The following RGL1 variants were observed in gnomAD, a reference collection of about 807,000 sequenced individuals.
RGL1 encodes the protein ral guanine nucleotide dissociation stimulator like 1, also known as ral guanine nucleotide dissociation stimulator-like 1.
RGL1 carries 24 observed loss-of-function variants against 95.2 expected under a neutral mutation model. The observed-to-expected ratio is 0.25, with a 90% confidence interval of 0.18 to 0.35. The LOEUF (loss-of-function observed/expected upper bound fraction) is 0.35. Among genes scored for constraint, RGL1 ranks in the 10% least tolerant of loss-of-function variants. The pLI is 1.00. For missense variants in RGL1, 715 were observed against 936.3 expected, an observed-to-expected ratio of 0.76 and a Z score of 3.08; for synonymous variants, 329 against 344.9, an observed-to-expected ratio of 0.95 and a Z score of 0.51.
At chr1:183,893,499 C>A (rs1407063370) in intron 9 of RGL1, among the ~76,000 whole-genome samples, 1 of 152,126 alleles carries the variant, frequency 6.6e-6, no homozygotes, top group African/African-American at 2.4e-5. Flanking sequence ...GAATAAGCTG[C>A]ATATTTGAGC....
At chr1:183,689,546 G>A (rs1327297012) in intron 1 of RGL1, among the ~76,000 whole-genome samples, 1 of 152,086 alleles carries the variant, frequency 6.6e-6, no homozygotes, top group Non-Finnish European at 1.5e-5. Flanking sequence ...TGCCTTGTAT[G>A]TAACTCTGTT....
intron 2 of RGL1, among the ~76,000 whole-genome samples, chr1:183,814,338 C>G (rs937196916): frequency 6.6e-6 from 1 of 152,022 alleles, no homozygotes; most frequent in African/African-American, 2.4e-5. Flanking sequence ...TCCTCAAAAC[C>G]ACCTTCTCCT....
At chr1:183,898,640 G>T (rs1240717930) in intron 10 of RGL1, among the ~76,000 whole-genome samples, 3 of 152,150 alleles carry the variant, frequency 2.0e-5, no homozygotes, top group African/African-American at 7.2e-5. Flanking sequence ...GGACTCTTCC[G>T]CAACATGAAG....
At chr1:183,808,674 C>T (rs1661501019) in intron 2 of RGL1, among the ~76,000 whole-genome samples, 1 of 151,980 alleles carries the variant, frequency 6.6e-6, no homozygotes, top group African/African-American at 2.4e-5. Context: ...TTCAGAGTTA[C>T]TAGAGAGTGG....
At chr1:183,673,541 C>G (rs1652618125) in intron 1 of RGL1, among the ~76,000 whole-genome samples, 1 of 152,208 alleles carries the variant, frequency 6.6e-6, no homozygotes, top group Non-Finnish European at 1.5e-5. Flanking sequence ...CCAATATTAA[C>G]AAATGCCCTC....
At chr1:183,887,611 C>T (rs1418255565) in intron 7 of RGL1, among the ~76,000 whole-genome samples, 1 of 152,078 alleles carries the variant, frequency 6.6e-6, no homozygotes, top group East Asian at 1.9e-4. Context: ...ACGTTGCTAC[C>T]TTCCCCATGC....
intron 1 of RGL1, among the ~76,000 whole-genome samples, chr1:183,690,732 A>T (rs1011349589): frequency 4.5e-5 from 2 of 44,516 alleles, no homozygotes; most frequent in Non-Finnish European, 1.2e-4. Flanking sequence ...AGGTACTTAT[A>T]AAAAAAAAAA....
At chr1:183,687,314 C>T (rs1653650586) in intron 1 of RGL1, among the ~76,000 whole-genome samples, 1 of 152,270 alleles carries the variant, frequency 6.6e-6, no homozygotes, top group East Asian at 1.9e-4. Flanking sequence ...AGGTAGGTTT[C>T]GTGTTGAACC....
At chr1:183,878,171 T>C (rs1666624185) in intron 4 of RGL1, among the ~76,000 whole-genome samples, 1 of 151,946 alleles carries the variant, frequency 6.6e-6, no homozygotes, top group Admixed American at 6.6e-5. Context: ...TATCTATCTA[T>C]CTATCTATCT....
chr1:183,875,870 T>G, intron 4 of RGL1, among the ~76,000 whole-genome samples: 1 of 51,970 alleles, frequency 1.9e-5, no homozygotes, highest in Non-Finnish European at 3.8e-5. Flanking sequence ...CAGCTCTGTC[T>G]CAAAAAAAAA....
intron 2 of RGL1, among the ~76,000 whole-genome samples, chr1:183,758,463 C>G (rs922608649): frequency 2.0e-5 from 3 of 152,158 alleles, no homozygotes; most frequent in African/African-American, 7.2e-5. Flanking sequence ...TCCCAAAGTG[C>G]TAGGATTACA....
intron 2 of RGL1, among the ~76,000 whole-genome samples, chr1:183,845,920 A>T (rs903775934): frequency 3.9e-5 from 6 of 152,096 alleles, no homozygotes; most frequent in Admixed American, 6.6e-5. Context: ...GTGTGCAAAA[A>T]TTTTTTTCCC....
intron 3 of RGL1, among the ~76,000 whole-genome samples, chr1:183,855,563 A>T (rs1405157589): frequency 1.3e-5 from 2 of 152,236 alleles, no homozygotes; most frequent in South Asian, 2.1e-4. Flanking sequence ...CAAGGTTTCT[A>T]ATATCTTTCC....
chr1:183,825,771 C>G (rs1338343724), intron 2 of RGL1, among the ~76,000 whole-genome samples: 1 of 152,154 alleles, frequency 6.6e-6, no homozygotes. Context: ...CTTTTAGAAG[C>G]AGACACACTC....
chr1:183,682,706 A>C (rs1231571480), intron 1 of RGL1, among the ~76,000 whole-genome samples: 2 of 152,206 alleles, frequency 1.3e-5, no homozygotes, highest in Non-Finnish European at 2.9e-5. Context: ...AGCTGAGTTC[A>C]AGTCCTGAAT....
chr1:183,806,499 G>A lies in RGL1; in HGVS notation c.138+14G>A. On this transcript the variant is annotated intron_variant, in intron 2 of 17. Transcript: ENST00000360851. ...AGATGGCTAGGGGTGAGTAAAGCTG[G>A]CGAGATGGTGAACTTTGGAATTTCA... The A allele has an allele frequency of 6.4e-7, 1 of 1,569,030 alleles. No homozygotes were observed. The highest frequency in any genetic ancestry group is 2.2e-5 in the East Asian group (1 of 44,622).
chr1:183,791,074 C>T (rs1660422228), intron 2 of RGL1, among the ~76,000 whole-genome samples: 1 of 152,166 alleles, frequency 6.6e-6, no homozygotes, highest in Non-Finnish European at 1.5e-5. Context: ...ACAAAAGTAA[C>T]TACTCCTTCC....
intron 2 of RGL1, among the ~76,000 whole-genome samples, chr1:183,818,396 T>C (rs1662229132): frequency 6.6e-6 from 1 of 152,250 alleles, no homozygotes; most frequent in Non-Finnish European, 1.5e-5. Flanking sequence ...TCACTGCTTA[T>C]GGCATTGCAT....
In RGL1 at chr1:183,913,182, CTTTTTTTTTTTTTTTTT is replaced by C. The variant is rs537751695; in HGVS notation, c.1749+926_1749+942del. Among the ~76,000 whole-genome samples the C allele has an allele frequency of 1.5e-4, 10 of 68,274 alleles. No homozygotes were observed. In the East Asian group the frequency reaches 4.0e-3, roughly 27 times the overall value. 44.8% of individuals were successfully genotyped at this position (68,274 alleles called of 152,430 possible). The stretch of plus-strand genomic sequence containing the variant: ...TAAGATCTTAATTAAGACCAGTCTT[CTTTTTTTTTTTTTTTTT>C]TTTTTTTTTTTGAGATGAAGTCTCA... On this transcript the variant is annotated intron_variant, in intron 15 of 17. Coordinates refer to ENST00000360851, the MANE Select transcript of RGL1 (RefSeq NM_001297671.3).
Sources: gnomAD v4.1 joint callset for allele counts (sites outside exome capture counted in the v4.1 genomes callset) on GRCh38, gnomAD v4.1.1 for gene constraint, MANE v1.5 for transcripts, NCBI Gene and HGNC (gene_info 2026-07-23, HGNC 2026-07-21) for gene names.